FRMD6: variants seen among roughly 807,000 people sequenced by gnomAD.
FRMD6 encodes the protein FERM domain-containing protein 6.
Under a neutral mutation model 73.2 loss-of-function variants are expected in FRMD6, and 37 were observed. That is an observed-to-expected ratio of 0.51 (90% CI 0.39 to 0.66). The LOEUF is 0.66. Ranked by LOEUF, FRMD6 falls within the 30% of genes least tolerant of loss-of-function variation. The pLI is 0.00. For missense variants in FRMD6, 714 were observed against 780.5 expected (o/e 0.91, Z 1.02); for synonymous variants, 273 against 282.2 (o/e 0.97, Z 0.33).
intron 1 of FRMD6, among the ~76,000 whole-genome samples, chr14:51,654,078 A>G (rs1892636852): frequency 6.6e-6 from 1 of 152,088 alleles, no homozygotes; most frequent in African/African-American, 2.4e-5. Context: ...AATCTTTCCT[A>G]TTTCCAGTAT....
intron 1 of FRMD6, among the ~76,000 whole-genome samples, chr14:51,536,874 A>G (rs1275422836): frequency 6.6e-6 from 1 of 152,186 alleles, no homozygotes; most frequent in Admixed American, 6.5e-5. Context: ...TCTTTTAAAT[A>G]GGCTTTTTAA....
At chr14:51,517,066 A>C (rs1488459891) in intron 1 of FRMD6, among the ~76,000 whole-genome samples, 1 of 152,238 alleles carries the variant, frequency 6.6e-6, no homozygotes, top group African/African-American at 2.4e-5. Flanking sequence ...GTTCTGTTAT[A>C]AAAAATTGAA....
intron 1 of FRMD6, among the ~76,000 whole-genome samples, chr14:51,499,040 G>A (rs1024414957): frequency 6.6e-6 from 1 of 152,210 alleles, no homozygotes; most frequent in Non-Finnish European, 1.5e-5. Context: ...AAACAGAGTT[G>A]AGCAGATGGG....
intron 2 of FRMD6, among the ~76,000 whole-genome samples, chr14:51,621,560 A>G (rs1251600321): frequency 6.6e-6 from 1 of 152,218 alleles, no homozygotes; most frequent in Non-Finnish European, 1.5e-5. Context: ...GTGGATCTTC[A>G]TGAAAGCATA....
At chr14:51,575,186 G>GA (rs1366938865) in intron 2 of FRMD6, among the ~76,000 whole-genome samples, 2 of 152,050 alleles carry the variant, frequency 1.3e-5, no homozygotes, top group Non-Finnish European at 1.5e-5. Context: ...GCTTAAATTT[G>GA]AATTTTAAGA....
At chr14:51,658,667 G>T (rs550120990) in intron 1 of FRMD6, among the ~76,000 whole-genome samples, 3 of 152,146 alleles carry the variant, frequency 2.0e-5, no homozygotes, top group East Asian at 3.9e-4. Flanking sequence ...AAATTCTGAC[G>T]CTAAAATCTG....
chr14:51,494,161 A>G (rs1883166307), intron 1 of FRMD6, among the ~76,000 whole-genome samples: 1 of 152,208 alleles, frequency 6.6e-6, no homozygotes, highest in Non-Finnish European at 1.5e-5. Context: ...TGCAAAATAC[A>G]TTCATTGCAT....
chr14:51,535,324 AG>A lies in FRMD6; in HGVS notation c.-209-35023del, dbSNP rs1335321876. Among the ~76,000 whole-genome samples, 10 of 152,346 alleles carry A rather than the reference AG, an allele frequency of 6.6e-5. No homozygotes were observed. The East Asian group carries it at 1.9e-3, about 29-fold the overall frequency. On this transcript the variant is annotated intron_variant, in intron 1 of 14. Transcript: ENST00000356218. ...TTAGAACACTTTTACCACCTCAAAA[AG>A]AAACCCTATACTGTTTACCAATCAT...
the FRMD6 span, among the ~76,000 whole-genome samples, chr14:51,403,390 C>CTTTTA: frequency 0.26 from 39,807 of 150,856 alleles, 5,668 homozygotes; most frequent in Non-Finnish European, 0.32. Context: ...TATTCTGCAA[C>CTTTTA]TTTTATTTTA....
intron 2 of FRMD6, among the ~76,000 whole-genome samples, chr14:51,610,498 A>C (rs1264436989): frequency 6.6e-6 from 1 of 152,138 alleles, no homozygotes; most frequent in East Asian, 1.9e-4. Context: ...AAATATTAGA[A>C]ACCGAAGGAA....
chr14:51,422,498 T>C, the FRMD6 span, among the ~76,000 whole-genome samples: 1 of 151,898 alleles, frequency 6.6e-6, no homozygotes, highest in African/African-American at 2.4e-5. Flanking sequence ...TGATTACAAA[T>C]AAAAAATTAT....
chr14:51,469,857 A>G, the FRMD6 span, among the ~76,000 whole-genome samples: 1 of 151,968 alleles, frequency 6.6e-6, no homozygotes, highest in African/African-American at 2.4e-5. Flanking sequence ...TCTTTTATGA[A>G]TGTTTGATTC....
intron 2 of FRMD6, among the ~76,000 whole-genome samples, chr14:51,593,667 C>T (rs1889533445): frequency 6.6e-6 from 1 of 152,168 alleles, no homozygotes; most frequent in Non-Finnish European, 1.5e-5. Flanking sequence ...ACGAATCCAG[C>T]TGTTTTGATT....
the FRMD6 span, among the ~76,000 whole-genome samples, chr14:51,480,562 C>A: frequency 1.3e-5 from 2 of 152,084 alleles, no homozygotes; most frequent in African/African-American, 4.8e-5. Flanking sequence ...ATCCTCTATG[C>A]ATCTCTGTGG....
rs1201773989 is a variant in FRMD6, at chr14:51,720,337, CAG to C, written c.1308_1309del (p.Val438GlyfsTer16). Reference sequence around the variant, plus strand: ...ACCAGTCATGGCAGCTCCCACACCTCAGGGGTGGAGAGTGGCGGCAAAGACCG... The same window carrying C: ...ACCAGTCATGGCAGCTCCCACACCTCGGGTGGAGAGTGGCGGCAAAGACCG... On this transcript the variant is annotated frameshift_variant, in exon 11 of 14. Transcript: ENST00000344768. LOFTEE classifies it high-confidence loss of function. 1.9e-6 allele frequency: 3 copies of C among 1,613,758 alleles called. No homozygotes were observed. The highest frequency in any genetic ancestry group is 1.7e-5 in the Admixed American group (1 of 60,008).
rs186714124 is a variant in FRMD6, at chr14:51,590,655, A to G, written c.-147+20245A>G. The stretch of plus-strand genomic sequence containing the variant: ...CTCTAAAAGGGGTCTGTAAAGTTCA[A>G]TTACAAAAGACAGTGAGGTGAAGGG... On this transcript the variant is annotated intron_variant, in intron 2 of 14. Transcript: ENST00000356218. 1.8e-3 allele frequency among the ~76,000 whole-genome samples: 279 copies of G among 152,370 alleles called. 1 individual carries two copies. Among genetic ancestry groups the G allele is most frequent in the Non-Finnish European group, 1.8e-3 (125 of 68,032 alleles).
chr14:51,723,366 C>T (rs536530200), intron 12 of FRMD6, among the ~76,000 whole-genome samples: 1 of 152,126 alleles, frequency 6.6e-6, no homozygotes, highest in African/African-American at 2.4e-5. Flanking sequence ...TATATTTCTG[C>T]ATTTAATTTT....
Position 51,722,079 on chromosome 14 carries a change from T to C in FRMD6, c.1491T>C (p.Ser497=), listed in dbSNP as rs537723891. ...MLMSRKLNGH[S]GLIVKEIGSS... ...TGTCGCGGAAGCTGAATGGACACTC[T>C]GGTGAGCTCTTACGGGAAGTTATTC... The change falls in exon 12 of 14, where the codon TCT becomes TCC. Residue 497 remains serine (S), a splice_region_variant and synonymous_variant. Coordinates refer to ENST00000344768, the MANE Select transcript of FRMD6 (RefSeq NM_001267046.2). The C allele has an allele frequency of 6.2e-7, 1 of 1,614,032 alleles. No individual in the cohort carries two copies. The highest frequency in any genetic ancestry group is 2.2e-5 in the East Asian group (1 of 44,872).
Position 51,611,564 on chromosome 14 carries a change from C to T in FRMD6, c.-147+41154C>T, listed in dbSNP as rs111707620. ...TCACTGTTTTTTCTCATTTTCTCTT[C>T]GACTTTACTGTGTCCACAAATCACC... On this transcript the variant is annotated intron_variant, in intron 2 of 14. Coordinates refer to the FRMD6 transcript ENST00000356218. Among the ~76,000 whole-genome samples, 33 of 152,262 alleles carry T rather than the reference C, an allele frequency of 2.2e-4. No homozygotes were observed. In the South Asian group the frequency reaches 3.1e-3, roughly 14 times the overall value.
Sources: gnomAD v4.1 joint callset for allele counts (sites outside exome capture counted in the v4.1 genomes callset) on GRCh38, gnomAD v4.1.1 for gene constraint, MANE v1.5 for transcripts, NCBI Gene and HGNC (gene_info 2026-07-23, HGNC 2026-07-21) for gene names.